Variants in HELB observed in about 807,000 individuals in gnomAD.
HELB encodes DNA 5'-3' helicase B.
In HELB, 96 loss-of-function variants were observed where a neutral mutation model predicts 101.7. The observed-to-expected ratio is 0.94, with a 90% confidence interval of 0.80 to 1.12. HELB has a LOEUF of 1.12. Ranked by LOEUF, HELB falls within the 50% of genes most tolerant of loss-of-function variation. The pLI, the probability that HELB is intolerant of heterozygous loss-of-function variation, is 0.00. For synonymous variants in HELB, 437 were observed against 459.7 expected (o/e 0.95, Z 0.63); for missense variants, 1,210 against 1,291.9 (o/e 0.94, Z 0.97).
chr12:66,322,805 A>C, intron 9 of HELB, 22 bp downstream of exon 9: 1 of 1,550,026 alleles, frequency 6.5e-7, no homozygotes, highest in Non-Finnish European at 8.8e-7. Context: ...CGAGAACTGA[A>C]ACTTTTAAGG....
intron 6 of HELB, among the ~76,000 whole-genome samples, chr12:66,316,949 G>T (rs2053613267): frequency 6.6e-6 from 1 of 151,074 alleles, no homozygotes; most frequent in Non-Finnish European, 1.5e-5. Context: ...AACCTGGAAG[G>T]CGGAGATTGC....
chr12:66,334,552 A>G (rs981939764), intron 12 of HELB, among the ~76,000 whole-genome samples: 17 of 151,772 alleles, frequency 1.1e-4, no homozygotes, highest in African/African-American at 4.1e-4. Context: ...AGGTGGGCGG[A>G]TCACTTGAGC....
rs764963038 is a variant in HELB, at chr12:66,331,587, G to A, written c.3104G>A (p.Arg1035Gln). 2.4e-5 allele frequency: 39 copies of A among 1,611,934 alleles called. No individual in the cohort carries two copies. The Admixed American group carries it at 5.7e-4, about 23-fold the overall frequency. ...VDTDDDLPKS[R>Q]ASKRTCGVND... Reference sequence around the variant, plus strand: ...ACAGATGATGATTTACCAAAATCGCGAGCATCCAAAAGAACCTGTGGTGTG... The same window carrying A: ...ACAGATGATGATTTACCAAAATCGCAAGCATCCAAAAGAACCTGTGGTGTG... The change falls in exon 12 of 13, where the codon CGA becomes CAA. Residue 1035 changes from arginine (R) to glutamine (Q), a missense_variant. Around this residue, in one of 2 missense-constraint regions of HELB, gnomAD observed 740 missense variants for 728.8 expected, o/e 1.02. Coordinates refer to ENST00000247815, the MANE Select transcript of HELB (RefSeq NM_001370285.1).
chr12:66,325,204 G>T (rs2053722866), intron 11 of HELB, 78 bp downstream of exon 11: 4 of 1,026,474 alleles, frequency 3.9e-6, no homozygotes, highest in Admixed American at 2.3e-5. Context: ...GTAAATTTTT[G>T]TTGCACTTAT....
Position 66,302,682 on chromosome 12 carries a change from G to T in HELB, c.79G>T (p.Asp27Tyr), listed in dbSNP as rs1255986603. The change falls in exon 1 of 13, where the codon GAC (aspartate) becomes TAC (tyrosine). Residue 27 changes from aspartate (D) to tyrosine (Y), a missense_variant. Around this residue, in one of 2 missense-constraint regions of HELB, gnomAD observed 470 missense variants for 563.1 expected, o/e 0.83. Coordinates refer to ENST00000247815, the MANE Select transcript of HELB (RefSeq NM_001370285.1). ...PPRDLVEEDD[D>Y]YLNDDVEEDE... is the part of the protein sequence containing the mutation. ...CAGGGATCTGGTGGAGGAGGACGACGACTACCTAAACGACGACGTGGAGGA... is the reference window on the plus strand; with the variant it reads ...CAGGGATCTGGTGGAGGAGGACGACTACTACCTAAACGACGACGTGGAGGA... The T allele has an allele frequency of 6.2e-7, 1 of 1,614,104 alleles. No individual in the cohort carries two copies.
At chr12:66,342,929 C>G (rs1019053749), downstream of HELB, 2 of 152,086 alleles carry the variant, frequency 1.3e-5, no homozygotes, top group Non-Finnish European at 2.9e-5. Flanking sequence ...CTCCTGACCT[C>G]AGATGATCCG....
chr12:66,310,683 G>A, intron 4 of HELB, 75 bp downstream of exon 4: 2 of 1,352,338 alleles, frequency 1.5e-6, no homozygotes, highest in Non-Finnish European at 2.0e-6. Context: ...TGTAATCCCA[G>A]AACTTTTGGG....
rs775045720 is a variant in HELB at position 66,306,438 on chromosome 12, G to C, written c.701G>C (p.Gly234Ala). 1.6e-5 allele frequency: 26 copies of C among 1,609,632 alleles called. No individual in the cohort carries two copies. The highest frequency in any genetic ancestry group is 2.2e-5 in the Non-Finnish European group (26 of 1,177,976). The stretch of plus-strand genomic sequence containing the variant: ...CCTCGACACTTTAAATGGATCATAG[G>C]GTCAGGTTCTAAAGAGATGTTGAAA... The part of the protein sequence containing the change: ...LLPRHFKWII[G>A]SGSKEMLKEI... Residue 234 changes from glycine to alanine, a missense_variant, in exon 3 of 13, where the codon GGG becomes GCG. Physicochemically the swap from Gly to Ala is moderately conservative, Grantham distance 60. This residue lies in a region of HELB where 470 missense variants were observed against 563.1 expected (regional missense o/e 0.83). Transcript: ENST00000247815.
In HELB at chr12:66,331,171, A is replaced by T. The variant is rs563970152; in HGVS notation, c.2688A>T (p.Thr896=). Residue 896 remains threonine, a synonymous_variant, in exon 12 of 13, where the codon ACA becomes ACT. Transcript: ENST00000247815. ...CCTGCCAGGGGTCCGAGGAGCAAAC[A>T]GTTGTCTATGTGGTGGGGAAGGCGG... ...IHTFQGSEEQ[T]VVYVVGKAGR... The T allele has an allele frequency of 3.2e-5, 52 of 1,607,276 alleles. No homozygotes were observed. The South Asian group carries it at 5.0e-4, about 15-fold the overall frequency.
Position 66,310,069 on chromosome 12 carries a change from G to T in HELB, c.1141G>T (p.Asp381Tyr). Residue 381 changes from aspartate (D) to tyrosine (Y), a missense_variant, in exon 4 of 13, where the codon GAT becomes TAT. This residue lies in a region of HELB where 470 missense variants were observed against 563.1 expected (regional missense o/e 0.83). Transcript: ENST00000247815. The part of the protein sequence containing the change: ...MKKPPWHLCV[D>Y]VEKVLASIHT... ...GAAACCTCCTTGGCATTTATGTGTCGATGTCGAAAAGGTGCTTGCCTCTAT... is the reference window on the plus strand; with the variant it reads ...GAAACCTCCTTGGCATTTATGTGTCTATGTCGAAAAGGTGCTTGCCTCTAT... 6.2e-7 allele frequency: 1 copy of T among 1,614,140 alleles called. No homozygotes were observed.
At chr12:66,318,881 T>G in intron 7 of HELB, 89 bp downstream of exon 7, 2 of 1,009,810 alleles carry the variant, frequency 2.0e-6, no homozygotes, top group Non-Finnish European at 1.4e-6. Flanking sequence ...ACAATTTTCT[T>G]TAATGGTAAA....
chr12:66,327,890 A>G (rs899758444), intron 11 of HELB, among the ~76,000 whole-genome samples: 8 of 152,364 alleles, frequency 5.3e-5, no homozygotes, highest in Admixed American at 2.6e-4. Flanking sequence ...GTGATTTTAA[A>G]TAGAATGTCG....
chr12:66,310,618 T>C lies in HELB; in HGVS notation c.1680+10T>C. On this transcript the variant is annotated intron_variant, in intron 4 of 12. Coordinates refer to ENST00000247815, the MANE Select transcript of HELB (RefSeq NM_001370285.1). ...CTACACACTGTGTCAGGTAAAACCT[T>C]TGACATTTCATCTGTAGATAAAACA... 1 of 1,598,550 alleles carries C rather than the reference T, an allele frequency of 6.3e-7. No homozygotes were observed. The highest frequency in any genetic ancestry group is 8.5e-7 in the Non-Finnish European group (1 of 1,173,910).
chr12:66,305,087 A>G lies in HELB; in HGVS notation c.544A>G (p.Thr182Ala). The change falls in exon 2 of 13, where the codon ACA (threonine) becomes GCA (alanine). Residue 182 changes from threonine (T) to alanine (A), a missense_variant. By Grantham distance (58) the Thr-to-Ala change is moderately conservative. Transcript: ENST00000247815. ...TGGAAGGAAAGATCAAAAGCAGCCT[A>G]CACAGAATGGTCAGGAAGAGTTGTT... The part of the protein sequence containing the change: ...ETGRKDQKQP[T>A]QNGQEELFLD... 1 of 1,606,168 alleles carries G rather than the reference A, an allele frequency of 6.2e-7. No individual in the cohort carries two copies. Among genetic ancestry groups the G allele is most frequent in the South Asian group, 1.1e-5 (1 of 89,394 alleles).
chr12:66,325,894 T>C (rs1239804312), intron 11 of HELB, among the ~76,000 whole-genome samples: 1 of 152,044 alleles, frequency 6.6e-6, no homozygotes, highest in African/African-American at 2.4e-5. Context: ...GGGAATATTG[T>C]TAGGTTTACA....
chr12:66,322,087 T>A (rs1031490861), intron 8 of HELB, 58 bp downstream of exon 8: 6 of 667,690 alleles, frequency 9.0e-6, no homozygotes, highest in Non-Finnish European at 1.6e-5. Flanking sequence ...TCATAACTTA[T>A]TAATATAGAT....
In HELB at chr12:66,310,074, C is replaced by G; in HGVS notation, c.1146C>G (p.Val382=). 2 of 1,614,124 alleles carry G rather than the reference C, an allele frequency of 1.2e-6. No individual in the cohort carries two copies. The highest frequency in any genetic ancestry group is 2.2e-5 in the South Asian group (2 of 91,074). The change falls in exon 4 of 13, where the codon GTC becomes GTG. Residue 382 remains valine, a synonymous_variant. Transcript: ENST00000247815. The part of the protein sequence containing the change: ...KKPPWHLCVD[V]EKVLASIHTT... ...CTCCTTGGCATTTATGTGTCGATGT[C>G]GAAAAGGTGCTTGCCTCTATTCACA...
intron 5 of HELB, among the ~76,000 whole-genome samples, chr12:66,314,965 A>C (rs2053586131): frequency 6.6e-6 from 1 of 151,412 alleles, no homozygotes; most frequent in African/African-American, 2.4e-5. Context: ...TGATTGAAAA[A>C]GGGACTAACT....
Position 66,313,801 on chromosome 12 carries a change from G to T in HELB, c.1681-185G>T, listed in dbSNP as rs981829526. On this transcript the variant is annotated intron_variant, in intron 4 of 12. Transcript: ENST00000247815. ...AGATTTTGGAACAATCTGATTTTTT[G>T]TTTGTTTGTTTTTAGATTTATTTGG... Among the ~76,000 whole-genome samples, 6 of 151,972 alleles carry T rather than the reference G, an allele frequency of 3.9e-5. No individual in the cohort carries two copies. The South Asian group carries it at 1.2e-3, about 32-fold the overall frequency.
Sources: allele counts gnomAD v4.1 joint callset (sites outside exome capture counted in the v4.1 genomes callset), GRCh38; gene constraint gnomAD v4.1.1; regional missense constraint gnomAD v4.1.1; transcripts MANE v1.5; gene names NCBI Gene and HGNC (gene_info 2026-07-23, HGNC 2026-07-21).